PM20D1: variants seen among roughly 807,000 people sequenced by gnomAD.
The protein encoded by PM20D1 is peptidase M20 domain containing 1, also known as N-fatty-acyl-amino acid synthase/hydrolase PM20D1.
Under a neutral mutation model 53.8 loss-of-function variants are expected in PM20D1, and 53 were observed. That is an observed-to-expected ratio of 0.98 (90% CI 0.79 to 1.24). PM20D1 has a LOEUF of 1.24. Among genes scored for constraint, PM20D1 ranks in the 50% most tolerant of loss-of-function variants. The probability of loss-of-function intolerance (pLI) is 0.00; values close to 1 mark genes in which losing one functional copy is unlikely to be tolerated. For synonymous variants in PM20D1, 239 were observed against 241.3 expected, an observed-to-expected ratio of 0.99 and a Z score of 0.09; for missense variants, 564 against 616.8, an observed-to-expected ratio of 0.91 and a Z score of 0.91.
intron 6 of PM20D1, among the ~76,000 whole-genome samples, chr1:205,842,986 T>G (rs1023460729): frequency 2.0e-5 from 3 of 152,182 alleles, no homozygotes; most frequent in Non-Finnish European, 4.4e-5. Flanking sequence ...TCTGCTGTTC[T>G]CTAGAATCCT....
At chr1:205,840,723 G>A (rs1275973548) in intron 9 of PM20D1, among the ~76,000 whole-genome samples, 1 of 152,206 alleles carries the variant, frequency 6.6e-6, no homozygotes, top group Non-Finnish European at 1.5e-5. Flanking sequence ...TCACGATGGG[G>A]CAGCCAGAGC....
chr1:205,831,566 CT>C (rs35289636), intron 11 of PM20D1, among the ~76,000 whole-genome samples: 66,161 of 127,566 alleles, frequency 0.52, 15,259 homozygotes, highest in Admixed American at 0.55. Flanking sequence ...CGTCTCTCTC[CT>C]TTTTTTTTTT....
intron 5 of PM20D1, 47 bp downstream of exon 5, chr1:205,844,040 T>C (rs1300716815): frequency 6.4e-7 from 1 of 1,573,750 alleles, no homozygotes; most frequent in Non-Finnish European, 8.6e-7. Flanking sequence ...TCATCTCAAA[T>C]GGGGTGAGAA....
chr1:205,833,980 T>C (rs1247460173), intron 10 of PM20D1, among the ~76,000 whole-genome samples: 1 of 151,318 alleles, frequency 6.6e-6, no homozygotes. Flanking sequence ...CCCGAGTAGC[T>C]GGGATTACAG....
chr1:205,843,557 T>C (rs1269334850), intron 6 of PM20D1, 110 bp downstream of exon 6: 1 of 1,468,188 alleles, frequency 6.8e-7, no homozygotes, highest in South Asian at 1.4e-5. Flanking sequence ...TAGCATAGTT[T>C]CCCAGCCCAA....
At chr1:205,845,662 AT>A (rs1395491906) in intron 2 of PM20D1, 105 bp from the exon 3 acceptor site, 1 of 922,068 alleles carries the variant, frequency 1.1e-6, no homozygotes, top group African/African-American at 1.7e-5. Flanking sequence ...TTTTTTAAAC[AT>A]GCATCCTCCT....
chr1:205,846,421 C>G (rs955095479), intron 2 of PM20D1, among the ~76,000 whole-genome samples: 2 of 152,100 alleles, frequency 1.3e-5, no homozygotes, highest in Non-Finnish European at 2.9e-5. Flanking sequence ...TGGTCAATAT[C>G]TCAAGCTCAG....
At chr1:205,842,583 C>G in intron 7 of PM20D1, 93 bp downstream of exon 7, 1 of 1,244,082 alleles carries the variant, frequency 8.0e-7, no homozygotes, top group East Asian at 2.3e-5. Context: ...GAGTGCTGGA[C>G]AGTACTAGGG....
Position 205,845,516 on chromosome 1 carries a change from C to T in PM20D1, c.298G>A (p.Val100Ile). 1 of 1,614,234 alleles carries T rather than the reference C, an allele frequency of 6.2e-7. No homozygotes were observed. The highest frequency in any genetic ancestry group is 8.5e-7 in the Non-Finnish European group (1 of 1,180,042). ...VVSTSFIQHE[V>I]VEEYSHLFTI... The stretch of plus-strand genomic sequence containing the variant: ...AACAGGTGGCTATACTCTTCCACGA[C>T]TTCATGCTGGATAAAGCTGGTGCTG... The change falls in exon 3 of 13, where the codon GTC (valine) becomes ATC (isoleucine). Residue 100 changes from valine (V) to isoleucine (I), a missense_variant. Physicochemically the swap from Val to Ile is conservative, Grantham distance 29. Coordinates refer to ENST00000367136, the MANE Select transcript of PM20D1 (RefSeq NM_152491.5).
In PM20D1 at chr1:205,844,876, G is replaced by A. The variant is rs1032595802; in HGVS notation, c.511C>T (p.Leu171Phe). Residue 171 changes from leucine (L) to phenylalanine (F), a missense_variant, in exon 4 of 13, where the codon CTC (leucine) becomes TTC (phenylalanine). Leu to Phe is a conservative substitution (Grantham distance 22). Transcript: ENST00000367136. ...GGGATGTACTTCCTGATCAGCAGGA[G>A]CTCCAAGGCCTGCAGTAATGCCTGG... is the stretch of plus-strand genomic sequence containing the variant. ...SVMALLQALELLLIRKYIPRR... is the reference protein window; with the variant it reads ...SVMALLQALEFLLIRKYIPRR... 5 of 1,613,888 alleles carry A rather than the reference G, an allele frequency of 3.1e-6. No homozygotes were observed. The highest frequency in any genetic ancestry group is 1.7e-5 in the Admixed American group (1 of 60,026).
At chr1:205,840,166 C>G (rs550883903) in intron 10 of PM20D1, 86 bp downstream of exon 10, 2 of 1,245,882 alleles carry the variant, frequency 1.6e-6, no homozygotes, top group African/African-American at 3.0e-5. Context: ...ACTGGACCAG[C>G]CCTAGGACTG....
At position 205,841,824 on chromosome 1, in the gene PM20D1, T is replaced by G; in HGVS notation, c.1031A>C (p.Lys344Thr). 6.4e-7 allele frequency: 1 copy of G among 1,568,682 alleles called. No homozygotes were observed. The highest frequency in any genetic ancestry group is 8.7e-7 in the Non-Finnish European group (1 of 1,153,980). ...CAGGGATGTTACCTTGACCCCTGCT[T>G]TGAATATGGTGAGTGCCGTGGTGGT... is the stretch of plus-strand genomic sequence containing the variant. ...IRTTTALTIF[K>T]AGVKFNVIPP... Residue 344 changes from lysine (K) to threonine (T), a missense_variant, in exon 9 of 13, where the codon AAA becomes ACA. Transcript: ENST00000367136.
At chr1:205,849,772 G>T in intron 1 of PM20D1, 132 bp downstream of exon 1, 2 of 1,169,724 alleles carry the variant, frequency 1.7e-6, no homozygotes, top group Non-Finnish European at 2.4e-6. Context: ...TGTTGGGGCC[G>T]GGCTGGGGTG....
chr1:205,841,411 T>C (rs542279516), intron 9 of PM20D1, among the ~76,000 whole-genome samples: 1 of 152,142 alleles, frequency 6.6e-6, no homozygotes, highest in South Asian at 2.1e-4. Context: ...TCAGATGGAG[T>C]AACAAAGTAT....
chr1:205,840,256 T>C lies in PM20D1; in HGVS notation c.1112A>G (p.Gln371Arg). The C allele has an allele frequency of 6.2e-7, 1 of 1,613,620 alleles. No homozygotes were observed. Among genetic ancestry groups the C allele is most frequent in the Non-Finnish European group, 8.5e-7 (1 of 1,179,560 alleles). Residue 371 changes from glutamine to arginine, a missense_variant, in exon 10 of 13, where the codon CAA (glutamine) becomes CGA (arginine). Physicochemically the swap from Gln to Arg is conservative, Grantham distance 43 (BLOSUM62 1). Coordinates refer to ENST00000367136, the MANE Select transcript of PM20D1 (RefSeq NM_152491.5). ...NFRIHPGQTV[Q>R]EVLELTKNIV... is the part of the protein sequence containing the mutation. The stretch of plus-strand genomic sequence containing the variant: ...TCTGGAACATATGGTACATACCTCT[T>C]GGACTGTCTGTCCAGGGTGAATCCG...
intron 4 of PM20D1, among the ~76,000 whole-genome samples, chr1:205,844,454 G>C (rs1308387590): frequency 6.6e-6 from 1 of 152,162 alleles, no homozygotes; most frequent in Non-Finnish European, 1.5e-5. Context: ...AGAGTGAAGT[G>C]ACTTGCCCAG....
intron 1 of PM20D1, 82 bp downstream of exon 1, chr1:205,849,822 C>T: frequency 4.7e-6 from 7 of 1,498,978 alleles, no homozygotes; most frequent in African/African-American, 1.4e-5. Context: ...TGCTTTGCGG[C>T]GGAAGCGGGG....
chr1:205,828,815 C>CA, intron 12 of PM20D1, 72 bp from the exon 13 acceptor site: 1 of 1,578,620 alleles, frequency 6.3e-7, no homozygotes, highest in Admixed American at 1.7e-5. Flanking sequence ...TATCACAGAG[C>CA]ACTTCCCTTA....
intron 12 of PM20D1, 141 bp downstream of exon 12, chr1:205,830,139 G>T: frequency 1.6e-6 from 1 of 638,126 alleles, no homozygotes; most frequent in Non-Finnish European, 2.8e-6. Flanking sequence ...GATGGGTTAG[G>T]TTCTACAATG....
Sources: allele counts gnomAD v4.1 joint callset (sites outside exome capture counted in the v4.1 genomes callset), GRCh38; gene constraint gnomAD v4.1.1; transcripts MANE v1.5; gene names NCBI Gene and HGNC (gene_info 2026-07-23, HGNC 2026-07-21).